XPO4: variants seen among roughly 807,000 people sequenced by gnomAD.
The protein encoded by XPO4 is exportin 4.
A neutral mutation model predicts 143.0 loss-of-function variants in XPO4; 39 were observed. The ratio of observed to expected loss-of-function variants is 0.27; its 90% CI spans 0.21 to 0.36. The LOEUF (loss-of-function observed/expected upper bound fraction) is 0.36. Ranked by LOEUF, XPO4 falls within the 10% of genes least tolerant of loss-of-function variation. XPO4 has a pLI of 1.00. For synonymous variants in XPO4, 439 were observed against 474.0 expected, an observed-to-expected ratio of 0.93 and a Z score of 0.96; for missense variants, 907 against 1,348.0, an observed-to-expected ratio of 0.67 and a Z score of 5.12.
intron 13 of XPO4, among the ~76,000 whole-genome samples, chr13:20,802,273 G>A (rs1259554243): frequency 6.6e-6 from 1 of 152,130 alleles, no homozygotes; most frequent in Non-Finnish European, 1.5e-5. Flanking sequence ...ACCCAGGCTG[G>A]TCTTGAACTC....
chr13:20,807,224 T>C (rs540409986), intron 13 of XPO4, among the ~76,000 whole-genome samples: 6 of 152,284 alleles, frequency 3.9e-5, no homozygotes, highest in East Asian at 1.9e-4. Context: ...TCAGAATAAT[T>C]TGACATTACT....
chr13:20,839,077 A>G (rs1469677349), intron 6 of XPO4, among the ~76,000 whole-genome samples: 1 of 152,182 alleles, frequency 6.6e-6, no homozygotes, highest in African/African-American at 2.4e-5. Context: ...CAGCCTGGGC[A>G]ACATGGCGAA....
intron 6 of XPO4, among the ~76,000 whole-genome samples, chr13:20,827,962 T>C (rs913709529): frequency 1.3e-5 from 2 of 152,260 alleles, no homozygotes; most frequent in Admixed American, 6.5e-5. Flanking sequence ...ACTCGGCCAG[T>C]CACGGTGGCT....
At chr13:20,892,079 T>C (rs1412064471) in intron 1 of XPO4, among the ~76,000 whole-genome samples, 1 of 150,872 alleles carries the variant, frequency 6.6e-6, no homozygotes, top group Non-Finnish European at 1.5e-5. Context: ...TAGGCTGGAG[T>C]GCAGTGGCAT....
chr13:20,876,830 G>A (rs766978540), intron 1 of XPO4, among the ~76,000 whole-genome samples: 8 of 152,160 alleles, frequency 5.3e-5, no homozygotes, highest in Non-Finnish European at 8.8e-5. Context: ...CCCAAAGAGT[G>A]AGCAGCAGCA....
At chr13:20,809,561 C>G (rs1042836970) in intron 10 of XPO4, among the ~76,000 whole-genome samples, 2 of 152,148 alleles carry the variant, frequency 1.3e-5, no homozygotes, top group African/African-American at 2.4e-5. Context: ...CCAAATTATT[C>G]ATATCTCTTG....
At chr13:20,825,176 T>C (rs1347679680) in intron 7 of XPO4, among the ~76,000 whole-genome samples, 1 of 151,968 alleles carries the variant, frequency 6.6e-6, no homozygotes, top group Non-Finnish European at 1.5e-5. Context: ...CAAGACCTTA[T>C]AGAAGGAAAA....
intron 11 of XPO4, 101 bp from the exon 12 acceptor site, chr13:20,808,682 G>T: frequency 9.8e-7 from 1 of 1,018,174 alleles, no homozygotes; most frequent in Non-Finnish European, 1.4e-6. Context: ...GAATGTTAGC[G>T]TAAAAACACA....
chr13:20,838,318 T>A (rs562749666), intron 6 of XPO4, among the ~76,000 whole-genome samples: 5 of 152,080 alleles, frequency 3.3e-5, no homozygotes, highest in Admixed American at 2.0e-4. Flanking sequence ...TATAAGAAAT[T>A]ACATTTTGGG....
In XPO4 at chr13:20,838,067, C is replaced by T. The variant is rs983611763; in HGVS notation, c.727+4828G>A. On this transcript the variant is annotated intron_variant, in intron 6 of 22. Transcript: ENST00000255305. Reference sequence around the variant, plus strand: ...GTACTGGGATTAAAAGCGTGAGCCACTGCGCCCAGCCAAGTTATGATTTCA... The same window carrying T: ...GTACTGGGATTAAAAGCGTGAGCCATTGCGCCCAGCCAAGTTATGATTTCA... 1.3e-5 allele frequency among the ~76,000 whole-genome samples: 2 copies of T among 152,164 alleles called. 1 individual carries two copies. Among genetic ancestry groups the T allele is most frequent in the Non-Finnish European group, 2.9e-5 (2 of 68,028 alleles).
In XPO4 at chr13:20,801,602, G is replaced by A. The variant is rs1243433274; in HGVS notation, c.1818-612C>T. The stretch of plus-strand genomic sequence containing the variant: ...CCTACACTACATAATTCATATGGTC[G>A]TGTGGTGTCAATCACATAGCGTGAC... On this transcript the variant is annotated intron_variant, in intron 13 of 22. Coordinates refer to ENST00000255305, the MANE Select transcript of XPO4 (RefSeq NM_022459.5). 5.3e-5 allele frequency among the ~76,000 whole-genome samples: 8 copies of A among 152,264 alleles called. 1 individual carries two copies. The Middle Eastern group carries it at 0.01, about 194-fold the overall frequency.
At chr13:20,799,664 T>C (rs1326820543) in intron 15 of XPO4, among the ~76,000 whole-genome samples, 1 of 152,164 alleles carries the variant, frequency 6.6e-6, no homozygotes, top group Non-Finnish European at 1.5e-5. Flanking sequence ...GAAGAGTACA[T>C]AGTAAATTAT....
Position 20,827,145 on chromosome 13 carries a change from C to T in XPO4, c.762G>A (p.Ser254=), listed in dbSNP as rs142097933. ...GRHYIAMFES[S]QNVLLKPTES... ...CTGTTGGCTTCAACAGCACATTTTG[C>T]GAGGATTCAAACATAGCTATATAAT... Residue 254 remains serine, a synonymous_variant, in exon 7 of 23, where the codon TCG becomes TCA. Transcript: ENST00000255305. 905 of 1,613,810 alleles carry T rather than the reference C, an allele frequency of 5.6e-4. No individual in the cohort carries two copies. Among genetic ancestry groups the T allele is most frequent in the Non-Finnish European group, 7.1e-4 (839 of 1,179,780 alleles).
At chr13:20,847,587 A>AC (rs1844658265) in intron 4 of XPO4, among the ~76,000 whole-genome samples, 1 of 151,984 alleles carries the variant, frequency 6.6e-6, no homozygotes, top group Admixed American at 6.6e-5. Context: ...CGAGTGCACT[A>AC]CCCCCTAACT....
intron 5 of XPO4, 21 bp from the exon 6 acceptor site, chr13:20,843,069 A>G (rs1189802308): frequency 6.4e-7 from 1 of 1,565,558 alleles, no homozygotes; most frequent in Non-Finnish European, 8.7e-7. Context: ...TAAATCACAA[A>G]TATTTTATAT....
chr13:20,801,926 C>G (rs1315155897), intron 13 of XPO4, among the ~76,000 whole-genome samples: 1 of 152,130 alleles, frequency 6.6e-6, no homozygotes, highest in Non-Finnish European at 1.5e-5. Flanking sequence ...TGCAGCCTCC[C>G]TGGGGTCACT....
At position 20,780,948 on chromosome 13, in the gene XPO4, T is replaced by G. The variant is rs2059134923; in HGVS notation, c.*2774A>C. 1 of 152,198 alleles carries G rather than the reference T, an allele frequency of 6.6e-6. No individual in the cohort carries two copies. The highest frequency in any genetic ancestry group is 2.4e-5 in the African/African-American group (1 of 41,442). The allele number at this position is 152,198 out of a possible 1,614,324, so 9.4% of individuals were successfully genotyped here. ...GACTGTGAAAGTACAAAGTCTTTAG[T>G]GATTGTGCCTTGGGAAATAAATGGG... On this transcript the variant is annotated 3_prime_UTR_variant, in exon 23 of 23. Transcript: ENST00000255305.
At chr13:20,845,335 C>T (rs1373826187) in intron 4 of XPO4, among the ~76,000 whole-genome samples, 2 of 152,154 alleles carry the variant, frequency 1.3e-5, no homozygotes, top group Non-Finnish European at 2.9e-5. Context: ...AATTCTCTAG[C>T]GAATCTAGGG....
chr13:20,813,151 A>G (rs2059605011), intron 9 of XPO4, among the ~76,000 whole-genome samples: 1 of 152,134 alleles, frequency 6.6e-6, no homozygotes, highest in African/African-American at 2.4e-5. Context: ...TCACGAGAAC[A>G]GCATGCGGGA....
Sources: gnomAD v4.1 joint callset for allele counts (sites outside exome capture counted in the v4.1 genomes callset) on GRCh38, gnomAD v4.1.1 for gene constraint, MANE v1.5 for transcripts, NCBI Gene and HGNC (gene_info 2026-07-23, HGNC 2026-07-21) for gene names.